Variants in SUFU observed in about 807,000 individuals in gnomAD.
SUFU encodes the protein SUFU negative regulator of hedgehog signaling.
Under a neutral mutation model 58.9 loss-of-function variants are expected in SUFU, and 7 were observed. The ratio of observed to expected loss-of-function variants is 0.12; its 90% CI spans 0.07 to 0.22. The LOEUF (loss-of-function observed/expected upper bound fraction) is 0.22, where lower values mean the gene tolerates loss of function less well. SUFU is among the 10% of genes least tolerant of loss of function. The probability of loss-of-function intolerance (pLI) is 1.00; values close to 1 mark genes in which losing one functional copy is unlikely to be tolerated. For missense variants in SUFU, 451 were observed against 641.3 expected (o/e 0.70, Z 3.20); for synonymous variants, 232 against 254.8 (o/e 0.91, Z 0.85).
Position 102,630,658 on chromosome 10 carries a change from T to A in SUFU, c.*503T>A, listed in dbSNP as rs1222096812. On this transcript the variant is annotated 3_prime_UTR_variant, in exon 12 of 12. Transcript: ENST00000369902. ...CATGTTTGGTTTTCTTCTTCCTTAT[T>A]TTATTTTGTAGAAACCGGGTGGTAT... 3.3e-6 allele frequency: 1 copy of A among 300,484 alleles called. No individual in the cohort carries two copies. Among genetic ancestry groups the A allele is most frequent in the African/African-American group, 2.1e-5 (1 of 48,230 alleles). The allele number at this position is 300,484 out of a possible 1,614,324, so 18.6% of individuals were successfully genotyped here.
At chr10:102,606,345 G>T (rs1003513936) in intron 8 of SUFU, among the ~76,000 whole-genome samples, 1 of 152,256 alleles carries the variant, frequency 6.6e-6, no homozygotes, top group Non-Finnish European at 1.5e-5. Flanking sequence ...ACCCCTTGGT[G>T]TGGTGCTCTC....
intron 2 of SUFU, among the ~76,000 whole-genome samples, chr10:102,548,774 C>A (rs553928789): frequency 1.5e-3 from 236 of 152,270 alleles, no homozygotes; most frequent in Middle Eastern, 3.4e-3. Context: ...AAGTCCCTTT[C>A]AGGGACTTCC....
intron 2 of SUFU, among the ~76,000 whole-genome samples, chr10:102,513,493 A>G (rs927866760): frequency 6.6e-6 from 1 of 152,280 alleles, no homozygotes; most frequent in African/African-American, 2.4e-5. Flanking sequence ...ATAGCAAGAC[A>G]TAATTCTTGT....
chr10:102,535,171 G>A (rs1564669594), intron 2 of SUFU, among the ~76,000 whole-genome samples: 1 of 152,160 alleles, frequency 6.6e-6, no homozygotes, highest in Non-Finnish European at 1.5e-5. Flanking sequence ...CCAGGAGGAA[G>A]GGGAAGAGGA....
At position 102,509,220 on chromosome 10, in the gene SUFU, G is replaced by C; in HGVS notation, c.234G>C (p.Gly78=). The C allele has an allele frequency of 6.2e-7, 1 of 1,614,224 alleles. No homozygotes were observed. The highest frequency in any genetic ancestry group is 8.5e-7 in the Non-Finnish European group (1 of 1,180,044). The change falls in exon 2 of 12, where the codon GGG becomes GGC. Residue 78 remains glycine (G), a synonymous_variant. Transcript: ENST00000369902. Reference sequence around the variant, plus strand: ...ATGTTAGCATGTACAGGAATGTGGGGAGCCCTTCTGCTAACATCCCCGAGC... The same window carrying C: ...ATGTTAGCATGTACAGGAATGTGGGCAGCCCTTCTGCTAACATCCCCGAGC... The part of the protein sequence containing the change: ...LDYVSMYRNV[G]SPSANIPEHW...
chr10:102,562,542 A>G (rs2063049186), intron 3 of SUFU, among the ~76,000 whole-genome samples: 2 of 151,572 alleles, frequency 1.3e-5, no homozygotes, highest in Admixed American at 1.3e-4. Flanking sequence ...AACAACAACA[A>G]CAACAACAGC....
chr10:102,610,282 G>A lies in SUFU; in HGVS notation c.1023-4986G>A, dbSNP rs190323296. 3.3e-3 allele frequency among the ~76,000 whole-genome samples: 502 copies of A among 150,740 alleles called. 1 individual carries two copies. Among genetic ancestry groups the A allele is most frequent in the Non-Finnish European group, 5.4e-3 (368 of 67,790 alleles). On this transcript the variant is annotated intron_variant, in intron 8 of 11. Transcript: ENST00000369902. ...GTGGTGGGCACCTATAATCCTAGCT[G>A]CTCGGTAGGCTGAGGCAGGAGAATT...
At chr10:102,562,563 C>T (rs2063049422) in intron 3 of SUFU, among the ~76,000 whole-genome samples, 1 of 151,566 alleles carries the variant, frequency 6.6e-6, no homozygotes, top group Non-Finnish European at 1.5e-5. Context: ...AACAACAAAA[C>T]TTGCTTTTCT....
intron 3 of SUFU, among the ~76,000 whole-genome samples, chr10:102,565,012 G>A (rs967248237): frequency 2.0e-5 from 3 of 152,164 alleles, no homozygotes; most frequent in African/African-American, 7.2e-5. Context: ...ATAAATCTGG[G>A]TATTTTTAGG....
chr10:102,555,128 C>T (rs1251975301), intron 3 of SUFU, among the ~76,000 whole-genome samples: 4 of 151,904 alleles, frequency 2.6e-5, no homozygotes, highest in Non-Finnish European at 4.4e-5. Context: ...ATTAGCCGGA[C>T]GTGGTGGTGG....
intron 8 of SUFU, among the ~76,000 whole-genome samples, chr10:102,606,005 G>T (rs2063559607): frequency 6.6e-6 from 1 of 152,216 alleles, no homozygotes; most frequent in South Asian, 2.1e-4. Flanking sequence ...CACCCATGCT[G>T]CCACTGACTG....
At chr10:102,596,350 A>G (rs553720636) in intron 6 of SUFU, among the ~76,000 whole-genome samples, 1 of 152,362 alleles carries the variant, frequency 6.6e-6, no homozygotes, top group Admixed American at 6.5e-5. Flanking sequence ...TCCAGCATCA[A>G]TGAACTGTGT....
intron 6 of SUFU, among the ~76,000 whole-genome samples, chr10:102,594,934 G>A (rs559945494): frequency 6.6e-6 from 1 of 152,266 alleles, no homozygotes; most frequent in South Asian, 2.1e-4. Context: ...TGGCCAGGCT[G>A]GTCTCGAACT....
intron 8 of SUFU, among the ~76,000 whole-genome samples, chr10:102,614,135 A>C (rs2063656639): frequency 6.6e-6 from 1 of 152,154 alleles, no homozygotes; most frequent in Non-Finnish European, 1.5e-5. Context: ...CTGGACAGAA[A>C]CTCTTGGAGC....
chr10:102,563,728 T>C (rs1016809891), intron 3 of SUFU, among the ~76,000 whole-genome samples: 2 of 151,002 alleles, frequency 1.3e-5, no homozygotes, highest in African/African-American at 2.4e-5. Flanking sequence ...AATGAAAGCA[T>C]GTTAAGGAGG....
At chr10:102,576,610 T>A (rs1485591089) in intron 3 of SUFU, among the ~76,000 whole-genome samples, 1 of 152,194 alleles carries the variant, frequency 6.6e-6, no homozygotes, top group Non-Finnish European at 1.5e-5. Flanking sequence ...ATAAGTAGAA[T>A]GATTGGGTCA....
At chr10:102,620,920 T>G (rs2063734559) in intron 10 of SUFU, among the ~76,000 whole-genome samples, 1 of 152,184 alleles carries the variant, frequency 6.6e-6, no homozygotes, top group Non-Finnish European at 1.5e-5. Flanking sequence ...GAATATTGTT[T>G]TAGGCCCCGC....
intron 8 of SUFU, among the ~76,000 whole-genome samples, chr10:102,609,104 T>C (rs1328114463): frequency 6.6e-6 from 1 of 152,230 alleles, no homozygotes; most frequent in East Asian, 1.9e-4. Flanking sequence ...TTTGGGGTTT[T>C]ATCTCAGCTC....
At chr10:102,614,867 C>A (rs1486840912) in intron 8 of SUFU, among the ~76,000 whole-genome samples, 1 of 148,210 alleles carries the variant, frequency 6.7e-6, no homozygotes, top group Non-Finnish European at 1.5e-5. Flanking sequence ...TAGAACGAGA[C>A]ACCATCTCAA....
Sources: allele counts gnomAD v4.1 joint callset (sites outside exome capture counted in the v4.1 genomes callset), GRCh38; gene constraint gnomAD v4.1.1; transcripts MANE v1.5; gene names NCBI Gene and HGNC (gene_info 2026-07-23, HGNC 2026-07-21).